SLCO6A1: variants seen among roughly 807,000 people sequenced by gnomAD.
The protein encoded by SLCO6A1 is cancer/testis antigen 48.
In SLCO6A1, 65 loss-of-function variants were observed where a neutral mutation model predicts 72.7. The observed-to-expected ratio is 0.89, with a 90% CI of 0.73 to 1.10. The LOEUF is 1.10. Ranked by LOEUF, SLCO6A1 falls within the 50% of genes least tolerant of loss-of-function variation. The probability of loss-of-function intolerance (pLI) is 0.00; values close to 1 mark genes in which losing one functional copy is unlikely to be tolerated. For missense variants in SLCO6A1, 874 were observed against 872.6 expected, an observed-to-expected ratio of 1.00 and a Z score of -0.02; for synonymous variants, 314 against 298.2, an observed-to-expected ratio of 1.05 and a Z score of -0.55.
At chr5:102,442,751 A>C (rs1749906573) in intron 6 of SLCO6A1, among the ~76,000 whole-genome samples, 1 of 152,234 alleles carries the variant, frequency 6.6e-6, no homozygotes, top group Admixed American at 6.5e-5. Context: ...GTAGCTAAAC[A>C]ATTCAGCATT....
At chr5:102,458,034 A>G (rs1343557289) in intron 6 of SLCO6A1, among the ~76,000 whole-genome samples, 1 of 151,250 alleles carries the variant, frequency 6.6e-6, no homozygotes, top group African/African-American at 2.4e-5. Context: ...TCTCACTCAT[A>G]GGTGGGAATT....
intron 12 of SLCO6A1, among the ~76,000 whole-genome samples, chr5:102,383,344 A>G (rs1414756435): frequency 6.6e-6 from 1 of 151,376 alleles, no homozygotes; most frequent in Non-Finnish European, 1.5e-5. Flanking sequence ...TAAGTAATAT[A>G]TTTGCTTTAT....
At chr5:102,446,822 TCGGCTCACCGCAACCTCTGCCTC>T (rs1410123085) in intron 6 of SLCO6A1, among the ~76,000 whole-genome samples, 1 of 152,180 alleles carries the variant, frequency 6.6e-6, no homozygotes, top group Non-Finnish European at 1.5e-5. Context: ...TGGAGCGATC[TCGGCTCACCGCAACCTCTGCCTC>T]CTGGGTTCAA....
chr5:102,427,297 A>C (rs1748946010), intron 7 of SLCO6A1, among the ~76,000 whole-genome samples: 1 of 152,072 alleles, frequency 6.6e-6, no homozygotes, highest in African/African-American at 2.4e-5. Flanking sequence ...AAGAATAACC[A>C]AAACAAACAA....
At chr5:102,397,312 A>G (rs964472518) in intron 10 of SLCO6A1, among the ~76,000 whole-genome samples, 2 of 152,086 alleles carry the variant, frequency 1.3e-5, no homozygotes, top group Non-Finnish European at 2.9e-5. Flanking sequence ...GGAAGTTTCC[A>G]GGGGTGGAGC....
intron 1 of SLCO6A1, among the ~76,000 whole-genome samples, chr5:102,493,578 A>G (rs1038751433): frequency 6.6e-6 from 1 of 152,210 alleles, no homozygotes; most frequent in Non-Finnish European, 1.5e-5. Flanking sequence ...TCTAAAAATC[A>G]GAAAAATATC....
At chr5:102,452,430 T>G (rs1375804780) in intron 6 of SLCO6A1, among the ~76,000 whole-genome samples, 1 of 152,182 alleles carries the variant, frequency 6.6e-6, no homozygotes, top group Non-Finnish European at 1.5e-5. Flanking sequence ...GCTTTTTTCT[T>G]ATCCTCTGTT....
intron 12 of SLCO6A1, among the ~76,000 whole-genome samples, chr5:102,385,414 T>C (rs1178930376): frequency 6.6e-6 from 1 of 152,158 alleles, no homozygotes. Flanking sequence ...TCTTTCTCTG[T>C]TCCTTCTGGG....
At chr5:102,477,567 C>A in intron 3 of SLCO6A1, 109 bp downstream of exon 3, 3 of 809,400 alleles carry the variant, frequency 3.7e-6, no homozygotes, top group East Asian at 2.6e-5. Context: ...TCATTTATTA[C>A]AATGTTATCA....
intron 7 of SLCO6A1, among the ~76,000 whole-genome samples, chr5:102,421,230 T>C (rs925981760): frequency 6.6e-6 from 1 of 151,974 alleles, no homozygotes; most frequent in African/African-American, 2.4e-5. Flanking sequence ...GGAGTTTTTT[T>C]TTTTCATACC....
rs759092343 is a variant in SLCO6A1, at chr5:102,458,496, A to G, written c.1022-5T>C. On this transcript the variant is annotated splice_polypyrimidine_tract_variant and splice_region_variant and intron_variant, in intron 5 of 13. Coordinates refer to ENST00000506729, the MANE Select transcript of SLCO6A1 (RefSeq NM_173488.5). ...TAGCTTTTATCCGTGTTGAACCTAT[A>G]TATAAACAAGTAAAAAAACTTATGA... 8.1e-6 allele frequency: 13 copies of G among 1,595,834 alleles called. No individual in the cohort carries two copies. Among genetic ancestry groups the G allele is most frequent in the Middle Eastern group, 1.7e-4 (1 of 5,918 alleles).
In SLCO6A1 at chr5:102,389,453, C is replaced by CT. The variant is rs1554065641; in HGVS notation, c.1880-629_1880-628insA. 7.5e-4 allele frequency among the ~76,000 whole-genome samples: 52 copies of CT among 69,118 alleles called. 6 individuals are homozygous for CT. The highest frequency in any genetic ancestry group is 2.5e-3 in the African/African-American group (52 of 20,784). The allele number at this position is 69,118 out of a possible 152,430, so 45.3% of individuals were successfully genotyped here. A position where few individuals can be genotyped will look rare whatever the true frequency, so the allele number is the denominator to read the frequency against. On this transcript the variant is annotated intron_variant, in intron 11 of 13. Coordinates refer to ENST00000506729, the MANE Select transcript of SLCO6A1 (RefSeq NM_173488.5). Reference sequence around the variant, plus strand: ...GAACAGTCACACACCCCGCCCCCCACCCCCACACACACAGAGTTGCCCCCA... The same window carrying CT: ...GAACAGTCACACACCCCGCCCCCCACTCCCCACACACACAGAGTTGCCCCCA...
chr5:102,416,132 A>G (rs1748272686), intron 8 of SLCO6A1, among the ~76,000 whole-genome samples: 1 of 152,162 alleles, frequency 6.6e-6, no homozygotes. Context: ...TACAACTTCT[A>G]TGAAAAACAG....
At chr5:102,416,624 G>T (rs555424062) in intron 8 of SLCO6A1, among the ~76,000 whole-genome samples, 63 of 152,052 alleles carry the variant, frequency 4.1e-4, no homozygotes, top group African/African-American at 1.4e-3. Context: ...TACTTAATGG[G>T]TATAATGTAT....
At chr5:102,394,482 T>C (rs951805521) in intron 10 of SLCO6A1, among the ~76,000 whole-genome samples, 12 of 151,998 alleles carry the variant, frequency 7.9e-5, no homozygotes, top group Non-Finnish European at 2.9e-5. Flanking sequence ...ACCTATATCA[T>C]ATTACATACA....
intron 9 of SLCO6A1, among the ~76,000 whole-genome samples, chr5:102,404,203 A>G (rs1408621057): frequency 6.6e-6 from 1 of 152,214 alleles, no homozygotes; most frequent in Non-Finnish European, 1.5e-5. Flanking sequence ...ATTGCTTAAG[A>G]ACATATTTTA....
At chr5:102,382,156 C>T (rs1665671638) in intron 12 of SLCO6A1, among the ~76,000 whole-genome samples, 1 of 151,514 alleles carries the variant, frequency 6.6e-6, no homozygotes, top group Non-Finnish European at 1.5e-5. Flanking sequence ...GGCTTTAATT[C>T]ATTTTGAATT....
rs544893699 is a variant in SLCO6A1 at position 102,477,226 on chromosome 5, A to T, written c.802+450T>A. Among the ~76,000 whole-genome samples the T allele has an allele frequency of 1.2e-4, 19 of 152,204 alleles. No homozygotes were observed. The East Asian group carries it at 3.1e-3, about 25-fold the overall frequency. On this transcript the variant is annotated intron_variant, in intron 3 of 13. Coordinates refer to ENST00000506729, the MANE Select transcript of SLCO6A1 (RefSeq NM_173488.5). Reference sequence around the variant, plus strand: ...AATCTCTGCCTCCTGGGTTTAAGCAAGTCTCCTGCCTCAGCCTCCAGAGTA... The same window carrying T: ...AATCTCTGCCTCCTGGGTTTAAGCATGTCTCCTGCCTCAGCCTCCAGAGTA...
intron 12 of SLCO6A1, among the ~76,000 whole-genome samples, chr5:102,379,890 G>T (rs931950447): frequency 6.6e-6 from 1 of 151,298 alleles, no homozygotes; most frequent in African/African-American, 2.4e-5. Flanking sequence ...CATTTATTTA[G>T]ATTTTATTTA....
Sources: allele counts gnomAD v4.1 joint callset (sites outside exome capture counted in the v4.1 genomes callset), GRCh38; gene constraint gnomAD v4.1.1; transcripts MANE v1.5; gene names NCBI Gene and HGNC (gene_info 2026-07-23, HGNC 2026-07-21).